The following SLC5A8 variants were observed in gnomAD, a reference collection of about 807,000 sequenced individuals.
SLC5A8 encodes solute carrier family 5 member 8.
A neutral mutation model predicts 71.9 loss-of-function variants in SLC5A8; 55 were observed. That is an observed-to-expected ratio of 0.77 (90% CI 0.62 to 0.96). The LOEUF is 0.96. SLC5A8 is among the 40% of genes least tolerant of loss of function. SLC5A8 has a pLI of 0.00. For missense variants in SLC5A8, 701 were observed against 745.3 expected, an observed-to-expected ratio of 0.94 and a Z score of 0.69; for synonymous variants, 307 against 276.1, an observed-to-expected ratio of 1.11 and a Z score of -1.11.
At position 101,157,174 on chromosome 12, in the gene SLC5A8, T is replaced by A; in HGVS notation, c.*105A>T. On this transcript the variant is annotated 3_prime_UTR_variant, in exon 15 of 15. Coordinates refer to ENST00000536262, the MANE Select transcript of SLC5A8 (RefSeq NM_145913.5). ...TAACAAAAACTTATCCCCCAAACACTCATGATACAACACACACACACACAC... is the reference window on the plus strand; with the variant it reads ...TAACAAAAACTTATCCCCCAAACACACATGATACAACACACACACACACAC... 2 of 1,367,136 alleles carry A rather than the reference T, an allele frequency of 1.5e-6. No homozygotes were observed. Among genetic ancestry groups the A allele is most frequent in the Non-Finnish European group, 2.0e-6 (2 of 1,020,258 alleles). The allele number at this position is 1,367,136 out of a possible 1,614,324, so 84.7% of individuals were successfully genotyped here. A position where few individuals can be genotyped will look rare whatever the true frequency, so the allele number is the denominator to read the frequency against.
Position 101,155,657 on chromosome 12 carries a change from T to A in SLC5A8, c.*1622A>T, listed in dbSNP as rs1357133453. 1 of 151,578 alleles carries A rather than the reference T, an allele frequency of 6.6e-6. No individual in the cohort carries two copies. The highest frequency in any genetic ancestry group is 1.5e-5 in the Non-Finnish European group (1 of 67,916). The allele number at this position is 151,578 out of a possible 1,614,324, so 9.4% of individuals were successfully genotyped here. A position where few individuals can be genotyped will look rare whatever the true frequency, so the allele number is the denominator to read the frequency against. On this transcript the variant is annotated 3_prime_UTR_variant, in exon 15 of 15. Coordinates refer to ENST00000536262, the MANE Select transcript of SLC5A8 (RefSeq NM_145913.5). ...ATGTGGCAACATGCCTAGCTAAGTT[T>A]TTTTTATTTTTATTTTTTATTTTTG...
At chr12:101,170,399 A>G (rs1436795066) in intron 10 of SLC5A8, among the ~76,000 whole-genome samples, 1 of 152,158 alleles carries the variant, frequency 6.6e-6, no homozygotes, top group Non-Finnish European at 1.5e-5. Flanking sequence ...AATAAACATA[A>G]GAAGACTCTG....
At chr12:101,167,955 A>G in intron 11 of SLC5A8, 141 bp downstream of exon 11, 1 of 818,700 alleles carries the variant, frequency 1.2e-6, no homozygotes, top group African/African-American at 1.7e-5. Flanking sequence ...TGTACACTCC[A>G]CCAAAGTCAA....
intron 13 of SLC5A8, 110 bp downstream of exon 13, chr12:101,161,864 A>G: frequency 1.3e-6 from 1 of 786,662 alleles, no homozygotes; most frequent in Non-Finnish European, 2.1e-6. Flanking sequence ...AGAAATAATT[A>G]AACTAGTTGG....
In SLC5A8 at chr12:101,156,116, G is replaced by A. The variant is rs2051658242; in HGVS notation, c.*1163C>T. 6.6e-6 allele frequency: 1 copy of A among 151,908 alleles called. No homozygotes were observed. The highest frequency in any genetic ancestry group is 2.1e-4 in the South Asian group (1 of 4,800). 9.4% of individuals were successfully genotyped at this position (151,908 alleles called of 1,614,324 possible). A position where few individuals can be genotyped will look rare whatever the true frequency, so the allele number is the denominator to read the frequency against. The stretch of plus-strand genomic sequence containing the variant: ...CTGCTACTTAAAAATTTTAAAACAT[G>A]GAACAAAGCATTTTTTGAGTCCAGA... On this transcript the variant is annotated 3_prime_UTR_variant, in exon 15 of 15. Coordinates refer to ENST00000536262, the MANE Select transcript of SLC5A8 (RefSeq NM_145913.5).
intron 10 of SLC5A8, among the ~76,000 whole-genome samples, chr12:101,174,681 A>G (rs931289899): frequency 5.9e-5 from 9 of 152,178 alleles, no homozygotes; most frequent in African/African-American, 1.4e-4. Flanking sequence ...AAGATATTTC[A>G]GTGGGCCTCA....
intron 10 of SLC5A8, among the ~76,000 whole-genome samples, chr12:101,174,527 A>G (rs1298340103): frequency 6.6e-6 from 1 of 152,182 alleles, no homozygotes; most frequent in African/African-American, 2.4e-5. Flanking sequence ...TTTCTTTCAT[A>G]AAGGGTATTT....
chr12:101,193,645 A>G lies in SLC5A8; in HGVS notation c.672T>C (p.Gly224=), dbSNP rs199931118. 3.7e-6 allele frequency: 6 copies of G among 1,613,646 alleles called. No homozygotes were observed. The highest frequency in any genetic ancestry group is 5.1e-6 in the Non-Finnish European group (6 of 1,179,818). The change falls in exon 5 of 15, where the codon GGT becomes GGC. Residue 224 remains glycine, a synonymous_variant. Transcript: ENST00000536262. ...CTTACTTCCAGAAATTTAATCTTCC[A>G]CCATCATAGGCATCATTTAAAATAG... ...ISTILNDAYD[G]GRLNFWNFNP... is the part of the protein sequence containing the mutation.
chr12:101,170,591 T>C (rs976337166), intron 10 of SLC5A8, among the ~76,000 whole-genome samples: 3 of 152,026 alleles, frequency 2.0e-5, no homozygotes, highest in Admixed American at 6.6e-5. Flanking sequence ...CCTCACAAAA[T>C]CCTGTTCTCT....
chr12:101,207,591 G>A (rs967504318), intron 1 of SLC5A8, among the ~76,000 whole-genome samples: 1 of 152,144 alleles, frequency 6.6e-6, no homozygotes, highest in Non-Finnish European at 1.5e-5. Context: ...GCATGGGTCA[G>A]TGGTTATGAG....
Position 101,187,472 on chromosome 12 carries a change from A to T in SLC5A8, c.877T>A (p.Cys293Ser). Residue 293 changes from cysteine (C) to serine (S), a missense_variant, in exon 7 of 15, where the codon TGC (cysteine) becomes AGC (serine). Transcript: ENST00000536262. ...AGGGCGAGCCCACAAAACACTGAGCATGTGAGGATTGCCCAGAGTCCCACA... is the reference window on the plus strand; with the variant it reads ...AGGGCGAGCCCACAAAACACTGAGCTTGTGAGGATTGCCCAGAGTCCCACA... ...NLVGLWAILTCSVFCGLALYS... is the reference protein window; with the variant it reads ...NLVGLWAILTSSVFCGLALYS... The T allele has an allele frequency of 6.2e-7, 1 of 1,614,014 alleles. No homozygotes were observed. The highest frequency in any genetic ancestry group is 8.5e-7 in the Non-Finnish European group (1 of 1,179,946).
intron 6 of SLC5A8, among the ~76,000 whole-genome samples, chr12:101,189,458 A>T (rs1412061270): frequency 6.6e-6 from 1 of 152,128 alleles, no homozygotes; most frequent in Non-Finnish European, 1.5e-5. Context: ...ATAGAAATAG[A>T]ATTGTCCTCC....
chr12:101,202,029 C>G, intron 3 of SLC5A8, 135 bp downstream of exon 3: 1 of 853,870 alleles, frequency 1.2e-6, no homozygotes, highest in East Asian at 2.7e-5. Flanking sequence ...TGAACCCATC[C>G]TGCCCCGCTA....
chr12:101,156,939 A>G lies in SLC5A8; in HGVS notation c.*340T>C. 1 of 189,170 alleles carries G rather than the reference A, an allele frequency of 5.3e-6. No individual in the cohort carries two copies. The highest frequency in any genetic ancestry group is 1.6e-4 in the South Asian group (1 of 6,176). 11.7% of individuals were successfully genotyped at this position (189,170 alleles called of 1,614,324 possible). ...CACCAAGGCATGGAAAATATTTTCA[A>G]TAATACCCAAATTTAAGAATATACC... On this transcript the variant is annotated 3_prime_UTR_variant, in exon 15 of 15. Coordinates refer to ENST00000536262, the MANE Select transcript of SLC5A8 (RefSeq NM_145913.5).
chr12:101,181,659 C>T (rs1393206210), intron 9 of SLC5A8, among the ~76,000 whole-genome samples: 5 of 152,174 alleles, frequency 3.3e-5, no homozygotes, highest in African/African-American at 1.2e-4. Flanking sequence ...CAAAGCAAGA[C>T]TGGGTTTGTC....
At chr12:101,157,501 C>G in intron 14 of SLC5A8, 100 bp from the exon 15 acceptor site, 1 of 1,396,316 alleles carries the variant, frequency 7.2e-7, no homozygotes, top group Non-Finnish European at 9.5e-7. Flanking sequence ...TTCTCTGCAT[C>G]AGCTTTCTAA....
intron 12 of SLC5A8, among the ~76,000 whole-genome samples, chr12:101,162,708 C>A (rs1361001944): frequency 6.6e-6 from 1 of 152,050 alleles, no homozygotes; most frequent in East Asian, 1.9e-4. Flanking sequence ...CTTATGGACA[C>A]AAAGAAGGGA....
chr12:101,160,183 A>G (rs1257995513), intron 13 of SLC5A8, among the ~76,000 whole-genome samples: 2 of 152,180 alleles, frequency 1.3e-5, no homozygotes, highest in East Asian at 3.8e-4. Context: ...TTCCATCTCA[A>G]CAGCAACAAC....
intron 9 of SLC5A8, among the ~76,000 whole-genome samples, chr12:101,181,212 T>C (rs1270951811): frequency 6.6e-6 from 1 of 152,232 alleles, no homozygotes; most frequent in Non-Finnish European, 1.5e-5. Context: ...AAATTTTAAA[T>C]TGATTTTTTT....
Sources: gnomAD v4.1 joint callset for allele counts (sites outside exome capture counted in the v4.1 genomes callset) on GRCh38, gnomAD v4.1.1 for gene constraint, MANE v1.5 for transcripts, NCBI Gene and HGNC (gene_info 2026-07-23, HGNC 2026-07-21) for gene names.